Variants in NUP133 observed in about 807,000 individuals in gnomAD.
The protein encoded by NUP133 is nucleoporin 133, also known as nuclear pore complex protein Nup133.
NUP133 carries 66 observed loss-of-function variants against 146.2 expected under a neutral mutation model. That is an observed-to-expected ratio of 0.45 (90% CI 0.37 to 0.55). The LOEUF (loss-of-function observed/expected upper bound fraction) is 0.55. Among genes scored for constraint, NUP133 ranks in the 20% least tolerant of loss-of-function variants. The pLI, the probability that NUP133 is intolerant of heterozygous loss-of-function variation, is 0.00. For synonymous variants in NUP133, 521 were observed against 498.8 expected, an observed-to-expected ratio of 1.04 and a Z score of -0.59; for missense variants, 1,277 against 1,374.8, an observed-to-expected ratio of 0.93 and a Z score of 1.12.
intron 11 of NUP133, among the ~76,000 whole-genome samples, chr1:229,485,430 G>A (rs923766152): frequency 6.6e-6 from 1 of 152,092 alleles, no homozygotes; most frequent in East Asian, 1.9e-4. Context: ...TGTGTAAAAA[G>A]ATTAAGTCAC....
chr1:229,446,134 C>T lies in NUP133; in HGVS notation c.3246-1132G>A, dbSNP rs74230113. ...GTGAGAAAGTAGTACTTGCCAGGCG[C>T]GGTGGCTCATGTCTGTAATCCCAGC... On this transcript the variant is annotated intron_variant, in intron 24 of 25. Transcript: ENST00000261396. 8.0e-3 allele frequency among the ~76,000 whole-genome samples: 1,211 copies of T among 152,210 alleles called. 9 individuals carry two copies. The highest frequency in any genetic ancestry group is 0.027 in the Middle Eastern group (8 of 294).
Position 229,466,671 on chromosome 1 carries a change from C to T in NUP133, c.2162G>A (p.Trp721Ter). The T allele has an allele frequency of 6.2e-7, 1 of 1,614,028 alleles. No homozygotes were observed. The highest frequency in any genetic ancestry group is 8.5e-7 in the Non-Finnish European group (1 of 1,179,952). ...LRDAPMDSIEWAEVVINVNNI... is the reference protein window; with the variant it reads ...LRDAPMDSIE ...GTTCACATTGATCACCACTTCAGCC[C>T]ATTCAATGGAATCCATAGGTGCATC... The change falls in exon 16 of 26, where the codon TGG becomes TAG. Residue 721 changes from tryptophan to a stop codon, truncating the protein, a stop_gained. Coordinates refer to ENST00000261396, the MANE Select transcript of NUP133 (RefSeq NM_018230.3). LOFTEE classifies it high-confidence loss of function.
At chr1:229,477,343 G>A (rs896442454) in intron 13 of NUP133, among the ~76,000 whole-genome samples, 37 of 151,772 alleles carry the variant, frequency 2.4e-4, no homozygotes, top group African/African-American at 8.5e-4. Flanking sequence ...GGGAGGCTGA[G>A]GCAGGAGAAT....
chr1:229,460,806 T>C (rs1195305238), intron 19 of NUP133, 37 bp from the exon 20 acceptor site: 2 of 1,547,712 alleles, frequency 1.3e-6, no homozygotes, highest in Non-Finnish European at 1.8e-6. Flanking sequence ...TTCATAATAG[T>C]TTAAAAAAAC....
intron 16 of NUP133, among the ~76,000 whole-genome samples, 190 bp from the exon 17 acceptor site, chr1:229,465,709 T>C (rs1395184127): frequency 6.6e-6 from 1 of 151,914 alleles, no homozygotes; most frequent in East Asian, 1.9e-4. Context: ...GACAACATAG[T>C]GAGACCCCAT....
chr1:229,462,667 G>C (rs1350934848), intron 19 of NUP133, among the ~76,000 whole-genome samples: 1 of 151,802 alleles, frequency 6.6e-6, no homozygotes, highest in East Asian at 1.9e-4. Context: ...AAACGATCCT[G>C]CCACCTTAGC....
intron 20 of NUP133, among the ~76,000 whole-genome samples, chr1:229,459,512 T>A (rs1317425105): frequency 6.6e-6 from 1 of 152,226 alleles, no homozygotes. Flanking sequence ...TATATGTGTA[T>A]GTGTGTACCT....
rs1661814772 is a variant in NUP133, at chr1:229,502,057, C to T, written c.347G>A (p.Cys116Tyr). Residue 116 changes from cysteine to tyrosine, a missense_variant, in exon 3 of 26, where the codon TGT becomes TAT. Physicochemically the swap from Cys to Tyr is radical, Grantham distance 194. This residue lies in a region of NUP133 where 319 missense variants were observed against 306.9 expected (regional missense o/e 1.04). Coordinates refer to ENST00000261396, the MANE Select transcript of NUP133 (RefSeq NM_018230.3). ...AATGAGCTTCTCTTTGCACACCAGA[C>T]AAGCCCATCCACCTTCATCTATGTT... ...TINIDEGGWA[C>Y]LVCKEKLIIW... 3 of 1,613,924 alleles carry T rather than the reference C, an allele frequency of 1.9e-6. No individual in the cohort carries two copies. In the African/African-American group the frequency reaches 4.0e-5, roughly 22 times the overall value.
At chr1:229,473,597 C>T (rs1395270359) in intron 14 of NUP133, among the ~76,000 whole-genome samples, 1 of 152,138 alleles carries the variant, frequency 6.6e-6, no homozygotes, top group Non-Finnish European at 1.5e-5. Flanking sequence ...TATCCTCTTC[C>T]AATGAGAATG....
chr1:229,457,643 CTT>C (rs1322175426), intron 21 of NUP133, among the ~76,000 whole-genome samples: 3 of 151,836 alleles, frequency 2.0e-5, no homozygotes, highest in Non-Finnish European at 4.4e-5. Flanking sequence ...TGTTAATTCT[CTT>C]GTTGTAATTT....
chr1:229,488,272 C>T lies in NUP133; in HGVS notation c.1195-659G>A, dbSNP rs570013142. ...TAAAATTCGTTATATTAAGAATTGGCAATTTTTTATAAATATTCCCTGATA... is the reference window on the plus strand; with the variant it reads ...TAAAATTCGTTATATTAAGAATTGGTAATTTTTTATAAATATTCCCTGATA... On this transcript the variant is annotated intron_variant, in intron 9 of 25. Transcript: ENST00000261396. Among the ~76,000 whole-genome samples, 8 of 152,226 alleles carry T rather than the reference C, an allele frequency of 5.3e-5. No homozygotes were observed. The South Asian group carries it at 1.7e-3, about 32-fold the overall frequency.
intron 25 of NUP133, among the ~76,000 whole-genome samples, chr1:229,443,755 G>C (rs1660237263): frequency 7.6e-6 from 1 of 131,824 alleles, no homozygotes. Context: ...TTGAGACGGA[G>C]TCTCGCTCTG....
chr1:229,484,457 T>C (rs1462883967), intron 11 of NUP133, among the ~76,000 whole-genome samples: 1 of 152,320 alleles, frequency 6.6e-6, no homozygotes, highest in East Asian at 1.9e-4. Context: ...ATGCAGCCCA[T>C]GGGTTGTGGG....
chr1:229,483,887 T>C (rs1461446163), intron 12 of NUP133, among the ~76,000 whole-genome samples, 167 bp downstream of exon 12: 2 of 152,080 alleles, frequency 1.3e-5, no homozygotes, highest in Non-Finnish European at 2.9e-5. Context: ...CTCCCATGGC[T>C]ACTAAGTTCA....
At chr1:229,500,913 T>C (rs1661784454) in intron 3 of NUP133, 50 bp from the exon 4 acceptor site, 2 of 1,134,302 alleles carry the variant, frequency 1.8e-6, no homozygotes, top group Non-Finnish European at 2.6e-6. Flanking sequence ...TCCAGTATTT[T>C]GAAGATGCAT....
intron 10 of NUP133, among the ~76,000 whole-genome samples, chr1:229,486,983 G>A (rs1318218923): frequency 2.0e-5 from 3 of 151,108 alleles, no homozygotes; most frequent in African/African-American, 7.3e-5. Context: ...AGGTTCTTGT[G>A]CTGGGACTAG....
rs1334651283 is a variant in NUP133, at chr1:229,504,035, G to T, written c.302-1933C>A. Among the ~76,000 whole-genome samples the T allele has an allele frequency of 3.9e-5, 6 of 152,100 alleles. No homozygotes were observed. The East Asian group carries it at 1.2e-3, about 29-fold the overall frequency. On this transcript the variant is annotated intron_variant, in intron 2 of 25. Coordinates refer to ENST00000261396, the MANE Select transcript of NUP133 (RefSeq NM_018230.3). Reference sequence around the variant, plus strand: ...AGAACAATGTATAGAAAGGTTAGTAGTTGTCTGAAAACAACTATCCCTAAA... The same window carrying T: ...AGAACAATGTATAGAAAGGTTAGTATTTGTCTGAAAACAACTATCCCTAAA...
Position 229,463,509 on chromosome 1 carries a change from A to G in NUP133, c.2685+34T>C, listed in dbSNP as rs778483879. 6 of 1,580,500 alleles carry G rather than the reference A, an allele frequency of 3.8e-6. No homozygotes were observed. In the African/African-American group the frequency reaches 8.2e-5, roughly 22 times the overall value. On this transcript the variant is annotated intron_variant, in intron 19 of 25. Transcript: ENST00000261396. ...AGCCATTTCAAGAAAAGGCAACTAA[A>G]GGACTCAGTGGCCACACACCCAACA...
chr1:229,484,161 G>A lies in NUP133; in HGVS notation c.1501-16C>T. On this transcript the variant is annotated splice_polypyrimidine_tract_variant and intron_variant, in intron 11 of 25. Coordinates refer to ENST00000261396, the MANE Select transcript of NUP133 (RefSeq NM_018230.3). ...AAATCATACTCTGCAAAATAACAAAGTATAGTTTAGAGGTAAAGGCATCTG... is the reference window on the plus strand; with the variant it reads ...AAATCATACTCTGCAAAATAACAAAATATAGTTTAGAGGTAAAGGCATCTG... 1 of 1,577,516 alleles carries A rather than the reference G, an allele frequency of 6.3e-7. No homozygotes were observed. The highest frequency in any genetic ancestry group is 8.7e-7 in the Non-Finnish European group (1 of 1,148,920).
Sources: gnomAD v4.1 joint callset for allele counts (sites outside exome capture counted in the v4.1 genomes callset) on GRCh38, gnomAD v4.1.1 for gene constraint, gnomAD v4.1.1 regional missense constraint, MANE v1.5 for transcripts, NCBI Gene and HGNC (gene_info 2026-07-23, HGNC 2026-07-21) for gene names.